Variants in SPTLC3 observed in about 807,000 individuals in gnomAD.
SPTLC3 encodes the protein serine palmitoyltransferase 3.
Under a neutral mutation model 59.3 loss-of-function variants are expected in SPTLC3, and 36 were observed. That is an observed-to-expected ratio of 0.61 (90% CI 0.47 to 0.80). The LOEUF (loss-of-function observed/expected upper bound fraction) is 0.80, where lower values mean the gene tolerates loss of function less well. Among genes scored for constraint, SPTLC3 ranks in the 30% least tolerant of loss-of-function variants. The pLI, the probability that SPTLC3 is intolerant of heterozygous loss-of-function variation, is 0.00. For synonymous variants in SPTLC3, 257 were observed against 240.8 expected, an observed-to-expected ratio of 1.07 and a Z score of -0.62; for missense variants, 625 against 685.1, an observed-to-expected ratio of 0.91 and a Z score of 0.98.
At chr20:13,062,762 G>T (rs1391595161) in intron 2 of SPTLC3, among the ~76,000 whole-genome samples, 1 of 151,904 alleles carries the variant, frequency 6.6e-6, no homozygotes, top group African/African-American at 2.4e-5. Context: ...CCTAACTCTG[G>T]CTTTGAAGAT....
At chr20:13,095,048 T>C (rs1989364599) in intron 6 of SPTLC3, among the ~76,000 whole-genome samples, 1 of 152,162 alleles carries the variant, frequency 6.6e-6, no homozygotes, top group East Asian at 1.9e-4. Context: ...TTGGCAGTGT[T>C]GGGAATTCAT....
intron 11 of SPTLC3, 22 bp downstream of exon 11, chr20:13,160,154 G>A (rs765153909): frequency 3.6e-5 from 58 of 1,609,338 alleles, no homozygotes; most frequent in South Asian, 5.5e-5. Context: ...ACAGGCCAAC[G>A]GGATCTCAGT....
At chr20:13,098,297 GGA>G (rs1183048397) in intron 6 of SPTLC3, among the ~76,000 whole-genome samples, 2 of 152,010 alleles carry the variant, frequency 1.3e-5, no homozygotes, top group African/African-American at 4.8e-5. Flanking sequence ...CTTAATTCAG[GGA>G]AACAATTGTG....
At chr20:13,087,210 C>T (rs1163872244) in intron 4 of SPTLC3, among the ~76,000 whole-genome samples, 5 of 152,178 alleles carry the variant, frequency 3.3e-5, no homozygotes, top group African/African-American at 1.2e-4. Context: ...TATTGCGTGA[C>T]AACACATCCC....
intron 9 of SPTLC3, among the ~76,000 whole-genome samples, chr20:13,127,796 T>C (rs916338395): frequency 1.3e-5 from 2 of 152,320 alleles, no homozygotes; most frequent in Non-Finnish European, 2.9e-5. Flanking sequence ...TTCCTCCATA[T>C]GAAATGCGGT....
intron 9 of SPTLC3, among the ~76,000 whole-genome samples, chr20:13,129,852 C>T (rs1004295510): frequency 6.6e-6 from 1 of 152,144 alleles, no homozygotes; most frequent in African/African-American, 2.4e-5. Flanking sequence ...GCTTCTCTCT[C>T]TTAGCCTTAT....
intron 9 of SPTLC3, among the ~76,000 whole-genome samples, chr20:13,151,519 G>C (rs1055799622): frequency 6.6e-6 from 1 of 152,152 alleles, no homozygotes; most frequent in East Asian, 1.9e-4. Flanking sequence ...GAGTTGGGGA[G>C]GGATCATCCT....
At chr20:13,048,343 C>A (rs1420752855) in intron 1 of SPTLC3, among the ~76,000 whole-genome samples, 1 of 152,202 alleles carries the variant, frequency 6.6e-6, no homozygotes, top group Non-Finnish European at 1.5e-5. Context: ...TAAGTCCTCT[C>A]TTCCACACTT....
At chr20:13,076,834 T>C (rs1988664204) in intron 4 of SPTLC3, among the ~76,000 whole-genome samples, 2 of 152,148 alleles carry the variant, frequency 1.3e-5, no homozygotes, top group South Asian at 4.1e-4. Flanking sequence ...AGGGAGGTCA[T>C]GTCAGTAGAA....
rs573994357 is a variant in SPTLC3, at chr20:13,061,490, C to T, written c.304-10766C>T. ...TGGGTTCCTATCGAGGCCACCTGTG[C>T]GCTAGCTCACAGTCATCAGCAGTCA... is the stretch of plus-strand genomic sequence containing the variant. On this transcript the variant is annotated intron_variant, in intron 2 of 11. Coordinates refer to ENST00000399002, the MANE Select transcript of SPTLC3 (RefSeq NM_018327.4). Among the ~76,000 whole-genome samples, 85 of 152,260 alleles carry T rather than the reference C, an allele frequency of 5.6e-4. No homozygotes were observed. The South Asian group carries it at 0.016, about 29-fold the overall frequency.
At chr20:13,115,456 A>G (rs1990483610) in intron 7 of SPTLC3, among the ~76,000 whole-genome samples, 1 of 152,188 alleles carries the variant, frequency 6.6e-6, no homozygotes, top group Non-Finnish European at 1.5e-5. Flanking sequence ...CGCAGTGTCT[A>G]CAAACACTGT....
At chr20:13,047,067 G>C (rs1281363672) in intron 1 of SPTLC3, among the ~76,000 whole-genome samples, 2 of 152,104 alleles carry the variant, frequency 1.3e-5, no homozygotes, top group Non-Finnish European at 2.9e-5. Flanking sequence ...ATAATATTTT[G>C]TGATGTTTTG....
intron 1 of SPTLC3, among the ~76,000 whole-genome samples, chr20:13,046,422 A>G (rs1049501652): frequency 6.6e-5 from 10 of 152,188 alleles, no homozygotes; most frequent in African/African-American, 1.7e-4. Context: ...CAACAATACT[A>G]TACTGCTCCT....
chr20:13,065,221 A>G (rs1988148127), intron 2 of SPTLC3, among the ~76,000 whole-genome samples: 1 of 151,210 alleles, frequency 6.6e-6, no homozygotes, highest in Non-Finnish European at 1.5e-5. Flanking sequence ...TTTTTAAAAT[A>G]AATGTATATT....
At position 13,020,910 on chromosome 20, in the gene SPTLC3, C is replaced by T. The variant is rs113500202; in HGVS notation, c.117+11526C>T. 1.6e-3 allele frequency among the ~76,000 whole-genome samples: 243 copies of T among 152,274 alleles called. 1 individual carries two copies. Among genetic ancestry groups the T allele is most frequent in the African/African-American group, 5.5e-3 (230 of 41,560 alleles). ...AGACTCCCAATAACTATCAGGCATACAGTAGATAGTCAATAAATGATTATT... is the reference window on the plus strand; with the variant it reads ...AGACTCCCAATAACTATCAGGCATATAGTAGATAGTCAATAAATGATTATT... On this transcript the variant is annotated intron_variant, in intron 1 of 11. Transcript: ENST00000399002.
At chr20:13,139,406 A>G (rs2038328535) in intron 9 of SPTLC3, among the ~76,000 whole-genome samples, 1 of 152,172 alleles carries the variant, frequency 6.6e-6, no homozygotes, top group African/African-American at 2.4e-5. Context: ...TTTTTTCCTA[A>G]CATAAAGTCC....
intron 1 of SPTLC3, among the ~76,000 whole-genome samples, chr20:13,047,722 A>G (rs1490982776): frequency 6.6e-6 from 1 of 152,178 alleles, no homozygotes; most frequent in East Asian, 1.9e-4. Context: ...TCCACTTTCT[A>G]CTGAAAAGTG....
chr20:13,039,166 T>C (rs1026946650), intron 1 of SPTLC3, among the ~76,000 whole-genome samples: 1 of 152,082 alleles, frequency 6.6e-6, no homozygotes, highest in Admixed American at 6.6e-5. Flanking sequence ...TCAAGTCTTC[T>C]ATTTTCTTGT....
At chr20:13,134,611 T>C (rs1470647082) in intron 9 of SPTLC3, among the ~76,000 whole-genome samples, 1 of 152,182 alleles carries the variant, frequency 6.6e-6, no homozygotes, top group Non-Finnish European at 1.5e-5. Flanking sequence ...GAATCAGCTG[T>C]TTTAACCATT....
Sources: gnomAD v4.1 joint callset for allele counts (sites outside exome capture counted in the v4.1 genomes callset) on GRCh38, gnomAD v4.1.1 for gene constraint, MANE v1.5 for transcripts, NCBI Gene and HGNC (gene_info 2026-07-23, HGNC 2026-07-21) for gene names.